Variants in MFF observed in about 807,000 individuals in gnomAD.
The protein encoded by MFF is mitochondrial fission factor.
In MFF, 12 loss-of-function variants were observed where a neutral mutation model predicts 36.9. The observed-to-expected ratio is 0.33, with a 90% CI of 0.21 to 0.53. The LOEUF (loss-of-function observed/expected upper bound fraction) is 0.53, where lower values mean the gene tolerates loss of function less well. Ranked by LOEUF, MFF falls within the 20% of genes least tolerant of loss-of-function variation. The pLI is 0.95. For missense variants in MFF, 348 were observed against 366.6 expected, an observed-to-expected ratio of 0.95 and a Z score of 0.42; for synonymous variants, 99 against 126.2, an observed-to-expected ratio of 0.78 and a Z score of 1.44.
chr2:227,345,967 T>C (rs572300652), intron 5 of MFF, among the ~76,000 whole-genome samples: 13 of 152,256 alleles, frequency 8.5e-5, no homozygotes, highest in African/African-American at 3.1e-4. Flanking sequence ...TTGAAAAACA[T>C]GGTTTTCATA....
At chr2:227,336,741 T>C (rs573537793) in intron 4 of MFF, among the ~76,000 whole-genome samples, 17 of 152,330 alleles carry the variant, frequency 1.1e-4, no homozygotes, top group African/African-American at 3.8e-4. Context: ...CCTTAGAATC[T>C]GAAGGATGAC....
intron 7 of MFF, 42 bp downstream of exon 7, chr2:227,352,615 C>T (rs374021776): frequency 1.7e-5 from 27 of 1,549,730 alleles, no homozygotes; most frequent in South Asian, 1.3e-4. Context: ...AAATGCTTGG[C>T]GGAATTTGTG....
intron 4 of MFF, among the ~76,000 whole-genome samples, chr2:227,339,146 G>A (rs138365406): frequency 2.0e-5 from 3 of 149,720 alleles, no homozygotes; most frequent in South Asian, 2.1e-4. Context: ...AGGCTGCAAC[G>A]AGCCATGAGC....
chr2:227,352,335 G>C (rs1156351335), intron 6 of MFF, 179 bp from the exon 7 acceptor site: 1 of 533,800 alleles, frequency 1.9e-6, no homozygotes, highest in Non-Finnish European at 3.4e-6. Flanking sequence ...TTATGAAAAT[G>C]ATAAAATGGA....
intron 2 of MFF, chr2:227,330,242 C>G (rs941557983): frequency 2.8e-5 from 5 of 181,488 alleles, no homozygotes; most frequent in Non-Finnish European, 5.7e-5. Flanking sequence ...TTTTAAAGTC[C>G]AAGCAGCTTT....
intron 7 of MFF, chr2:227,355,286 C>T (rs2076202244): frequency 6.4e-6 from 1 of 155,190 alleles, no homozygotes; most frequent in Non-Finnish European, 1.4e-5. Flanking sequence ...GAGTCTGTGC[C>T]TATGGGCTTA....
intron 2 of MFF, chr2:227,329,626 T>C: frequency 2.8e-6 from 2 of 712,480 alleles, no homozygotes; most frequent in South Asian, 3.3e-5. Context: ...AGTGTCCGTG[T>C]TGTTATGTAC....
At chr2:227,344,725 TA>T (rs5839205) in intron 5 of MFF, among the ~76,000 whole-genome samples, 144,360 of 150,210 alleles carry the variant, frequency 0.96, 69,454 homozygotes, top group East Asian at 1. Context: ...AGTCATCAAT[TA>T]AAAAAAAAAA....
At chr2:227,342,420 T>C (rs1312667670) in intron 5 of MFF, among the ~76,000 whole-genome samples, 1 of 152,186 alleles carries the variant, frequency 6.6e-6, no homozygotes, top group African/African-American at 2.4e-5. Context: ...ACAATTGATA[T>C]AATACCTCTA....
At chr2:227,330,978 TATTC>T in intron 3 of MFF, 132 bp downstream of exon 3, 1 of 685,582 alleles carries the variant, frequency 1.5e-6, no homozygotes, top group African/African-American at 1.8e-5. Flanking sequence ...TTGAAATTTC[TATTC>T]ATTATTATAG....
intron 4 of MFF, among the ~76,000 whole-genome samples, chr2:227,339,545 C>A (rs1254460337): frequency 6.6e-6 from 1 of 152,220 alleles, no homozygotes; most frequent in Non-Finnish European, 1.5e-5. Context: ...TGCACTTACA[C>A]ATGGCCTCAC....
chr2:227,333,992 G>A (rs1177886442), intron 4 of MFF, among the ~76,000 whole-genome samples: 1 of 152,172 alleles, frequency 6.6e-6, no homozygotes, highest in East Asian at 1.9e-4. Context: ...CATTAATTGT[G>A]ATATTTAGTC....
chr2:227,333,583 G>T (rs538040103), intron 4 of MFF, among the ~76,000 whole-genome samples: 1 of 152,298 alleles, frequency 6.6e-6, no homozygotes, highest in African/African-American at 2.4e-5. Flanking sequence ...TTTGCTGTCT[G>T]TCTGGTTTCA....
intron 7 of MFF, among the ~76,000 whole-genome samples, chr2:227,354,633 G>A (rs751603422): frequency 1.1e-4 from 16 of 152,164 alleles, no homozygotes; most frequent in Non-Finnish European, 1.8e-4. Context: ...GAGGTTTAGT[G>A]TCATTCACCT....
At position 227,347,295 on chromosome 2, in the gene MFF, T is replaced by G. The variant is rs768951194; in HGVS notation, c.510T>G (p.Leu170=). 1.2e-6 allele frequency: 2 copies of G among 1,613,836 alleles called. No individual in the cohort carries two copies. The highest frequency in any genetic ancestry group is 1.7e-6 in the Non-Finnish European group (2 of 1,179,754). ...TGTTACCTGAAGATGGAGCTAATCTTTCCTCTGCTCGTGGCATTTTGTCGC... is the reference window on the plus strand; with the variant it reads ...TGTTACCTGAAGATGGAGCTAATCTGTCCTCTGCTCGTGGCATTTTGTCGC... The part of the protein sequence containing the change: ...PHMLPEDGAN[L]SSARGILSLI... The change falls in exon 6 of 9, where the codon CTT becomes CTG. Residue 170 remains leucine, a synonymous_variant. Coordinates refer to ENST00000304593, the MANE Select transcript of MFF (RefSeq NM_001277062.2).
At chr2:227,354,531 A>G (rs2076165853) in intron 7 of MFF, among the ~76,000 whole-genome samples, 1 of 152,246 alleles carries the variant, frequency 6.6e-6, no homozygotes, top group Admixed American at 6.5e-5. Context: ...TGGTTATATA[A>G]GTTGTATCTC....
intron 4 of MFF, among the ~76,000 whole-genome samples, chr2:227,337,680 A>T (rs1396888263): frequency 1.3e-5 from 2 of 152,192 alleles, no homozygotes; most frequent in East Asian, 3.9e-4. Context: ...AACTTAGGAA[A>T]CTATTTCTCA....
At chr2:227,346,981 A>T in intron 5 of MFF, 182 of 289,944 alleles carry the variant, frequency 6.3e-4, no homozygotes, top group Middle Eastern at 1.1e-3. Context: ...CCCTCTCTAC[A>T]GTTCTTTCAT....
intron 4 of MFF, among the ~76,000 whole-genome samples, chr2:227,337,850 A>G (rs2075121623): frequency 6.6e-6 from 1 of 151,962 alleles, no homozygotes; most frequent in South Asian, 2.1e-4. Flanking sequence ...AGAGATCACC[A>G]AGCCTGGCCA....
Sources: allele counts gnomAD v4.1 joint callset (sites outside exome capture counted in the v4.1 genomes callset), GRCh38; gene constraint gnomAD v4.1.1; transcripts MANE v1.5; gene names NCBI Gene and HGNC (gene_info 2026-07-23, HGNC 2026-07-21).